Variants in SDK1 observed in about 807,000 individuals in gnomAD.
SDK1 encodes sidekick cell adhesion molecule 1, also known as protein sidekick-1.
In SDK1, 157 loss-of-function variants were observed where a neutral mutation model predicts 245.5. That is an observed-to-expected ratio of 0.64 (90% CI 0.56 to 0.73). The LOEUF (loss-of-function observed/expected upper bound fraction) is 0.73, where lower values mean the gene tolerates loss of function less well. SDK1 is among the 30% of genes least tolerant of loss of function. SDK1 has a pLI of 0.00. For synonymous variants in SDK1, 1,647 were observed against 1,278.5 expected (o/e 1.29, Z -6.15); for missense variants, 3,583 against 3,002.3 (o/e 1.19, Z -4.52).
intron 2 of SDK1, among the ~76,000 whole-genome samples, chr7:3,630,357 T>C (rs1448993724): frequency 6.6e-6 from 1 of 152,228 alleles, no homozygotes; most frequent in Non-Finnish European, 1.5e-5. Flanking sequence ...GTAGAAAATA[T>C]ATACTTTTAA....
At chr7:3,828,904 A>G (rs1401527339) in intron 5 of SDK1, among the ~76,000 whole-genome samples, 1 of 151,444 alleles carries the variant, frequency 6.6e-6, no homozygotes, top group South Asian at 2.1e-4. Context: ...TAATCCTCCC[A>G]CCTTGGCCTC....
intron 27 of SDK1, among the ~76,000 whole-genome samples, chr7:4,131,360 C>A (rs1450018360): frequency 6.6e-6 from 1 of 152,214 alleles, no homozygotes; most frequent in Middle Eastern, 3.2e-3. Flanking sequence ...CTGCTTAAGT[C>A]TGAAGTCAGC....
chr7:4,049,215 A>T (rs1451445291), intron 17 of SDK1, 133 bp from the exon 18 acceptor site: 2 of 639,666 alleles, frequency 3.1e-6, no homozygotes, highest in Non-Finnish European at 5.5e-6. Flanking sequence ...CAAAACATTC[A>T]TCACACTTCC....
intron 5 of SDK1, among the ~76,000 whole-genome samples, chr7:3,900,518 C>T (rs890867968): frequency 6.6e-6 from 1 of 152,194 alleles, no homozygotes; most frequent in Non-Finnish European, 1.5e-5. Flanking sequence ...TCCTTCTTGG[C>T]TTCATATCCT....
At chr7:3,902,079 GC>G (rs1265132198) in intron 5 of SDK1, among the ~76,000 whole-genome samples, 1 of 152,158 alleles carries the variant, frequency 6.6e-6, no homozygotes, top group Non-Finnish European at 1.5e-5. Context: ...GCTCCAAGAA[GC>G]TTTGGTGCCT....
chr7:4,234,979 T>A (rs1388792012), intron 41 of SDK1, among the ~76,000 whole-genome samples: 1 of 152,194 alleles, frequency 6.6e-6, no homozygotes, highest in Non-Finnish European at 1.5e-5. Context: ...CTGCTTGAGC[T>A]ACTGACTGCA....
chr7:3,721,783 A>G (rs1778813110), intron 4 of SDK1, among the ~76,000 whole-genome samples: 2 of 152,172 alleles, frequency 1.3e-5, no homozygotes, highest in Non-Finnish European at 2.9e-5. Context: ...CAGAGCTGAG[A>G]GCTTGTAGGA....
intron 44 of SDK1, among the ~76,000 whole-genome samples, chr7:4,261,197 A>T (rs1396996517): frequency 6.6e-6 from 1 of 152,158 alleles, no homozygotes; most frequent in Non-Finnish European, 1.5e-5. Flanking sequence ...CCAAGTCCCT[A>T]GGTGCCGGAC....
intron 13 of SDK1, among the ~76,000 whole-genome samples, chr7:3,983,387 C>A (rs566750881): frequency 6.6e-6 from 1 of 152,286 alleles, no homozygotes; most frequent in East Asian, 1.9e-4. Flanking sequence ...ATAGCCCCAC[C>A]ACTCCGATCA....
intron 28 of SDK1, among the ~76,000 whole-genome samples, chr7:4,133,216 C>T (rs1784961356): frequency 6.6e-6 from 1 of 152,246 alleles, no homozygotes; most frequent in African/African-American, 2.4e-5. Context: ...TTCAGCATTA[C>T]AGCCAGCATA....
At chr7:3,629,321 GA>G (rs1051701500) in intron 2 of SDK1, among the ~76,000 whole-genome samples, 1 of 150,144 alleles carries the variant, frequency 6.7e-6, no homozygotes, top group Admixed American at 6.7e-5. Flanking sequence ...AGAAAAAAAA[GA>G]AAAAAAAGAA....
intron 5 of SDK1, among the ~76,000 whole-genome samples, chr7:3,846,891 G>C (rs1780292923): frequency 6.6e-6 from 1 of 152,052 alleles, no homozygotes; most frequent in Non-Finnish European, 1.5e-5. Flanking sequence ...GTCCGCACTG[G>C]AACTGCCCCC....
intron 1 of SDK1, among the ~76,000 whole-genome samples, chr7:3,613,623 A>C (rs1419766677): frequency 2.0e-5 from 3 of 152,244 alleles, no homozygotes; most frequent in Non-Finnish European, 4.4e-5. Context: ...CGTTTGACCC[A>C]GCAATTACAT....
intron 30 of SDK1, 30 bp downstream of exon 30, chr7:4,149,493 G>A: frequency 7.2e-7 from 1 of 1,391,018 alleles, no homozygotes; most frequent in South Asian, 1.6e-5. Flanking sequence ...ACCTCCCCGG[G>A]GAACGGGGCC....
At chr7:4,232,506 G>A (rs4723514) in intron 40 of SDK1, among the ~76,000 whole-genome samples, 39,675 of 147,640 alleles carry the variant, frequency 0.27, 5,449 homozygotes, top group Non-Finnish European at 0.29. Flanking sequence ...TACCCAGGCT[G>A]TAGTGCAATG....
chr7:3,595,914 A>G (rs1039677995), intron 1 of SDK1, among the ~76,000 whole-genome samples: 2 of 150,402 alleles, frequency 1.3e-5, no homozygotes, highest in Admixed American at 1.3e-4. Context: ...AGTCAACACT[A>G]ACCACTCTGG....
chr7:3,462,322 T>C (rs1780858193), intron 1 of SDK1, among the ~76,000 whole-genome samples: 1 of 152,122 alleles, frequency 6.6e-6, no homozygotes, highest in Non-Finnish European at 1.5e-5. Context: ...CTCAATATCT[T>C]TCTCTCTTCC....
At chr7:4,034,057 G>A (rs1302218005) in intron 17 of SDK1, among the ~76,000 whole-genome samples, 1 of 152,174 alleles carries the variant, frequency 6.6e-6, no homozygotes, top group African/African-American at 2.4e-5. Context: ...GTGTACCACT[G>A]GATAGGATGC....
At chr7:3,506,896 C>G (rs940605809) in intron 1 of SDK1, among the ~76,000 whole-genome samples, 1 of 151,788 alleles carries the variant, frequency 6.6e-6, no homozygotes, top group Non-Finnish European at 1.5e-5. Flanking sequence ...TTAATTCCAT[C>G]ATCTCTATCA....
Sources: gnomAD v4.1 joint callset for allele counts (sites outside exome capture counted in the v4.1 genomes callset) on GRCh38, gnomAD v4.1.1 for gene constraint, MANE v1.5 for transcripts, NCBI Gene and HGNC (gene_info 2026-07-23, HGNC 2026-07-21) for gene names.